IGF1R: variants seen among roughly 807,000 people sequenced by gnomAD.
IGF1R encodes insulin-like growth factor 1 receptor.
In IGF1R, 44 loss-of-function variants were observed where a neutral mutation model predicts 144.6. The ratio of observed to expected loss-of-function variants is 0.30; its 90% CI spans 0.24 to 0.39. The LOEUF (loss-of-function observed/expected upper bound fraction) is 0.39, where lower values mean the gene tolerates loss of function less well. IGF1R is among the 10% of genes least tolerant of loss of function. The pLI is 1.00. For missense variants in IGF1R, 1,355 were observed against 1,833.7 expected, an observed-to-expected ratio of 0.74 and a Z score of 4.77; for synonymous variants, 795 against 722.8, an observed-to-expected ratio of 1.10 and a Z score of -1.60.
chr15:98,870,234 T>A (rs1343238137), intron 2 of IGF1R, among the ~76,000 whole-genome samples: 1 of 152,246 alleles, frequency 6.6e-6, no homozygotes, highest in Non-Finnish European at 1.5e-5. Context: ...ACAACTGAAG[T>A]TGTACCTATT....
intron 2 of IGF1R, among the ~76,000 whole-genome samples, chr15:98,743,182 GAAGT>G (rs1056729441): frequency 3.3e-5 from 5 of 152,164 alleles, no homozygotes; most frequent in Admixed American, 2.6e-4. Flanking sequence ...AAACATACGG[GAAGT>G]AAGACGGAAA....
Position 98,928,979 on chromosome 15 carries a change from C to T in IGF1R, c.2783-579C>T, listed in dbSNP as rs184135340. 9.9e-5 allele frequency among the ~76,000 whole-genome samples: 15 copies of T among 152,146 alleles called. No individual in the cohort carries two copies. In the East Asian group the frequency reaches 2.9e-3, roughly 29 times the overall value. ...AAAGATTGAGGCCAGCAGGACTTGA[C>T]CTATACATAGATGTAGACTGTACAT... On this transcript the variant is annotated intron_variant, in intron 13 of 20. Transcript: ENST00000650285.
Position 98,961,095 on chromosome 15 carries a change from C to A in IGF1R, c.*3653C>A, listed in dbSNP as rs142786518. 2.3e-3 allele frequency: 548 copies of A among 233,576 alleles called. 5 individuals are homozygous for A. Among genetic ancestry groups the A allele is most frequent in the African/African-American group, 0.011 (504 of 45,452 alleles). 14.5% of individuals were successfully genotyped at this position (233,576 alleles called of 1,614,324 possible). A position where few individuals can be genotyped will look rare whatever the true frequency, so the allele number is the denominator to read the frequency against. On this transcript the variant is annotated 3_prime_UTR_variant, in exon 21 of 21. Coordinates refer to ENST00000650285, the MANE Select transcript of IGF1R (RefSeq NM_000875.5). The stretch of plus-strand genomic sequence containing the variant: ...CCTAAGTGAAGGCGCTCAGGAGCCT[C>A]CTGCTGGAACGCGACCCATCTCTCC...
At chr15:98,893,751 G>A (rs777660876) in intron 3 of IGF1R, among the ~76,000 whole-genome samples, 7 of 152,214 alleles carry the variant, frequency 4.6e-5, no homozygotes, top group South Asian at 2.1e-4. Flanking sequence ...TGTTTCTTCC[G>A]CTCTAGTGCA....
intron 1 of IGF1R, among the ~76,000 whole-genome samples, chr15:98,650,546 G>T (rs1181557280): frequency 6.6e-6 from 1 of 152,246 alleles, no homozygotes; most frequent in Non-Finnish European, 1.5e-5. Flanking sequence ...GGCCGCATCC[G>T]AGTGTGCGTT....
rs2684786 is a variant in IGF1R at position 98,962,256 on chromosome 15, C to T, written c.*4814C>T. 43,105 of 233,210 alleles carry T rather than the reference C, an allele frequency of 0.18. 4,506 individuals carry two copies. Among genetic ancestry groups the T allele is most frequent in the Non-Finnish European group, 0.24 (28,193 of 118,046 alleles). The allele number at this position is 233,210 out of a possible 1,614,324, so 14.4% of individuals were successfully genotyped here. Reference sequence around the variant, plus strand: ...AGGCGCCCTCCTGGTGACAGTGACCCGCCGTGGTATGCCTTGGCCCATTCC... The same window carrying T: ...AGGCGCCCTCCTGGTGACAGTGACCTGCCGTGGTATGCCTTGGCCCATTCC... On this transcript the variant is annotated 3_prime_UTR_variant, in exon 21 of 21. Coordinates refer to ENST00000650285, the MANE Select transcript of IGF1R (RefSeq NM_000875.5).
chr15:98,896,700 T>G (rs1567183677), intron 3 of IGF1R, 57 bp from the exon 4 acceptor site: 2 of 1,550,756 alleles, frequency 1.3e-6, no homozygotes, highest in Non-Finnish European at 1.8e-6. Context: ...GTTTTTTTAA[T>G]GCAAGAAGAC....
At chr15:98,756,252 T>C (rs897690826) in intron 2 of IGF1R, among the ~76,000 whole-genome samples, 1 of 140,224 alleles carries the variant, frequency 7.1e-6, no homozygotes, top group Non-Finnish European at 1.5e-5. Context: ...ATAACCTGTT[T>C]TTTTTTTTTT....
At position 98,649,178 on chromosome 15, in the gene IGF1R, TC is replaced by T. The variant is rs888216379; in HGVS notation, c.-401del. 7 of 218,560 alleles carry T rather than the reference TC, an allele frequency of 3.2e-5. No individual in the cohort carries two copies. The highest frequency in any genetic ancestry group is 1.7e-4 in the Admixed American group (3 of 17,244). The allele number at this position is 218,560 out of a possible 1,614,324, so 13.5% of individuals were successfully genotyped here. ...GCGGAAGCTCGGGCGTCCGGCCGCC[TC>T]CCGCGCGGCCAGGGCCGGGCTTGTT... is the stretch of plus-strand genomic sequence containing the variant. On this transcript the variant is annotated 5_prime_UTR_variant, in exon 1 of 21. Transcript: ENST00000650285.
At chr15:98,776,434 C>G (rs1268672643) in intron 2 of IGF1R, among the ~76,000 whole-genome samples, 1 of 152,150 alleles carries the variant, frequency 6.6e-6, no homozygotes, top group Non-Finnish European at 1.5e-5. Flanking sequence ...GATCCACGCG[C>G]CTTGGCCTCC....
At chr15:98,925,205 C>T (rs893729697) in intron 13 of IGF1R, among the ~76,000 whole-genome samples, 2 of 152,046 alleles carry the variant, frequency 1.3e-5, no homozygotes, top group African/African-American at 2.4e-5. Flanking sequence ...TTTTAAAGTC[C>T]CCACATGCAT....
rs539907521 is a variant in IGF1R, at chr15:98,947,441, C to T, written c.3588-1133C>T. 1.2e-4 allele frequency among the ~76,000 whole-genome samples: 19 copies of T among 152,336 alleles called. No individual in the cohort carries two copies. The East Asian group carries it at 3.3e-3, about 26-fold the overall frequency. On this transcript the variant is annotated intron_variant, in intron 19 of 20. Coordinates refer to ENST00000650285, the MANE Select transcript of IGF1R (RefSeq NM_000875.5). ...TGTGGCTTGACCAGCACCTGCAGCC[C>T]AGGACAGGTCCAGCTAGAATCCCTG... is the stretch of plus-strand genomic sequence containing the variant.
intron 2 of IGF1R, among the ~76,000 whole-genome samples, chr15:98,852,472 G>T (rs1044773455): frequency 6.6e-6 from 1 of 152,228 alleles, no homozygotes; most frequent in African/African-American, 2.4e-5. Context: ...CTTTCCGCGG[G>T]GCCCGGGCAG....
At chr15:98,695,188 A>G (rs114790117) in intron 1 of IGF1R, among the ~76,000 whole-genome samples, 8 of 152,280 alleles carry the variant, frequency 5.3e-5, no homozygotes, top group African/African-American at 1.9e-4. Context: ...AAATAATAGG[A>G]TTTTCCCTAG....
chr15:98,662,779 T>C (rs569042430), intron 1 of IGF1R, among the ~76,000 whole-genome samples: 2 of 152,246 alleles, frequency 1.3e-5, no homozygotes, highest in Middle Eastern at 6.8e-3. Context: ...TATTTGACTC[T>C]CAAGATCCAA....
At chr15:98,912,953 A>G (rs746057887) in intron 7 of IGF1R, 91 bp from the exon 8 acceptor site, 12 of 818,928 alleles carry the variant, frequency 1.5e-5, no homozygotes, top group Non-Finnish European at 2.6e-5. Context: ...CTCCCATTAT[A>G]GAAAGTGTGA....
chr15:98,848,789 T>C (rs775977248), intron 2 of IGF1R, among the ~76,000 whole-genome samples: 1 of 152,198 alleles, frequency 6.6e-6, no homozygotes, highest in Non-Finnish European at 1.5e-5. Context: ...AGAAATAACA[T>C]ACAAATTTAT....
At chr15:98,708,510 A>T (rs1455470223) in intron 2 of IGF1R, among the ~76,000 whole-genome samples, 2 of 152,154 alleles carry the variant, frequency 1.3e-5, no homozygotes, top group Non-Finnish European at 2.9e-5. Context: ...CAGCTCTTTC[A>T]TCCTTTGTGC....
intron 2 of IGF1R, among the ~76,000 whole-genome samples, chr15:98,763,014 C>G (rs1253883831): frequency 1.3e-5 from 2 of 150,144 alleles, no homozygotes; most frequent in Non-Finnish European, 3.0e-5. Context: ...CCACTGCACT[C>G]CAGCCTGGCG....
Sources: gnomAD v4.1 joint callset for allele counts (sites outside exome capture counted in the v4.1 genomes callset) on GRCh38, gnomAD v4.1.1 for gene constraint, MANE v1.5 for transcripts, NCBI Gene and HGNC (gene_info 2026-07-23, HGNC 2026-07-21) for gene names.